The following SFXN5 variants were observed in gnomAD, a reference collection of about 807,000 sequenced individuals.
The protein encoded by SFXN5 is sideroflexin-5.
A neutral mutation model predicts 50.2 loss-of-function variants in SFXN5; 43 were observed. That is an observed-to-expected ratio of 0.86 (90% CI 0.67 to 1.11). SFXN5 has a LOEUF of 1.11. Among genes scored for constraint, SFXN5 ranks in the 50% least tolerant of loss-of-function variants. The pLI, the probability that SFXN5 is intolerant of heterozygous loss-of-function variation, is 0.00. For synonymous variants in SFXN5, 203 were observed against 185.8 expected (o/e 1.09, Z -0.75); for missense variants, 463 against 454.1 (o/e 1.02, Z -0.18).
intron 12 of SFXN5, among the ~76,000 whole-genome samples, chr2:72,962,563 C>T (rs1673866421): frequency 6.6e-6 from 1 of 152,210 alleles, no homozygotes; most frequent in Admixed American, 6.5e-5. Context: ...CATTTTAACC[C>T]TCCATGAGTC....
intron 6 of SFXN5, among the ~76,000 whole-genome samples, chr2:73,012,500 G>C (rs377185016): frequency 2.6e-5 from 4 of 151,682 alleles, no homozygotes; most frequent in East Asian, 3.9e-4. Flanking sequence ...CCAGGGGAAG[G>C]GGGAAGTTTA....
At chr2:72,965,185 G>A (rs1257673018) in intron 12 of SFXN5, among the ~76,000 whole-genome samples, 7 of 152,170 alleles carry the variant, frequency 4.6e-5, no homozygotes, top group African/African-American at 1.7e-4. Flanking sequence ...AGGACGTTGA[G>A]GGGAGCACGC....
chr2:72,961,108 C>A lies in SFXN5; in HGVS notation c.945+23G>T. ...AAACAGCACCCCCTGCCCTGCCCTGCCCTTGAGCCCCTCCCCACTGACCTC... is the reference window on the plus strand; with the variant it reads ...AAACAGCACCCCCTGCCCTGCCCTGACCTTGAGCCCCTCCCCACTGACCTC... On this transcript the variant is annotated intron_variant, in intron 13 of 13. Coordinates refer to ENST00000272433, the MANE Select transcript of SFXN5 (RefSeq NM_144579.3). This position sits in a 1 kb window ranked among gnomAD's most constrained non-coding sequence, Gnocchi z 4.4. 2 of 1,498,756 alleles carry A rather than the reference C, an allele frequency of 1.3e-6. No individual in the cohort carries two copies. The highest frequency in any genetic ancestry group is 2.4e-5 in the South Asian group (2 of 82,780). 92.8% of individuals were successfully genotyped at this position (1,498,756 alleles called of 1,614,324 possible). A position where few individuals can be genotyped will look rare whatever the true frequency, so the allele number is the denominator to read the frequency against.
In SFXN5 at chr2:73,063,141, A is replaced by G. The variant is rs1357005103; in HGVS notation, c.103-4545T>C. ...TACTGATTAAGTGGAAAGAAGATAA[A>G]AACTCTGTATTGGTCATATCAGTCT... On this transcript the variant is annotated intron_variant, in intron 1 of 13. Transcript: ENST00000272433. Among the ~76,000 whole-genome samples, 3 of 152,196 alleles carry G rather than the reference A, an allele frequency of 2.0e-5. No individual in the cohort carries two copies. The East Asian group carries it at 5.8e-4, about 29-fold the overall frequency.
chr2:72,989,304 T>A (rs1672290684), intron 9 of SFXN5, among the ~76,000 whole-genome samples: 1 of 152,132 alleles, frequency 6.6e-6, no homozygotes, highest in African/African-American at 2.4e-5. Context: ...CACCCATGAG[T>A]TCCACCTCCA....
intron 6 of SFXN5, among the ~76,000 whole-genome samples, chr2:73,014,449 T>C (rs1675909295): frequency 6.6e-6 from 1 of 152,142 alleles, no homozygotes; most frequent in Non-Finnish European, 1.5e-5. Context: ...CAAAACCAAG[T>C]TGTCTTATAA....
intron 10 of SFXN5, among the ~76,000 whole-genome samples, chr2:72,976,749 T>C (rs1670659874): frequency 6.6e-6 from 1 of 152,228 alleles, no homozygotes; most frequent in African/African-American, 2.4e-5. Context: ...CAATGGACAC[T>C]AATTATAGTT....
rs371492395 is a variant in SFXN5, at chr2:73,060,958, C to T, written c.103-2362G>A. Among the ~76,000 whole-genome samples the T allele has an allele frequency of 2.6e-5, 4 of 151,978 alleles. No individual in the cohort carries two copies. The East Asian group carries it at 5.9e-4, about 23-fold the overall frequency. On this transcript the variant is annotated intron_variant, in intron 1 of 13. Transcript: ENST00000272433. Reference sequence around the variant, plus strand: ...CCTCATGATCTGCCCACCTCGGCCTCCCGAAGTGCTGGGATTACAGGCGTG... The same window carrying T: ...CCTCATGATCTGCCCACCTCGGCCTTCCGAAGTGCTGGGATTACAGGCGTG...
chr2:73,019,175 C>A (rs1193048390), intron 6 of SFXN5, among the ~76,000 whole-genome samples: 2 of 152,228 alleles, frequency 1.3e-5, no homozygotes, highest in Non-Finnish European at 2.9e-5. Context: ...AGAAGCCAGA[C>A]ACAAAAGAGC....
At chr2:72,980,303 C>T (rs986640304) in intron 10 of SFXN5, among the ~76,000 whole-genome samples, 1 of 152,194 alleles carries the variant, frequency 6.6e-6, no homozygotes, top group Non-Finnish European at 1.5e-5. Flanking sequence ...TGTCCCTGCC[C>T]GGGAAGGTCT....
chr2:72,979,454 CG>C (rs1041272275), intron 10 of SFXN5, among the ~76,000 whole-genome samples: 12 of 152,042 alleles, frequency 7.9e-5, no homozygotes, highest in African/African-American at 2.7e-4. Flanking sequence ...GTCAACATGG[CG>C]AAACCCTGTC....
intron 9 of SFXN5, among the ~76,000 whole-genome samples, chr2:72,993,753 C>T (rs1574059405): frequency 6.6e-6 from 1 of 152,138 alleles, no homozygotes; most frequent in East Asian, 1.9e-4. Context: ...TGTCGTCCCC[C>T]TACCTCTCTC....
chr2:73,027,965 T>C (rs1167629976), intron 3 of SFXN5, among the ~76,000 whole-genome samples: 1 of 152,182 alleles, frequency 6.6e-6, no homozygotes, highest in Non-Finnish European at 1.5e-5. Flanking sequence ...CCTGGCCCCA[T>C]CTTTTTAATC....
rs1671551852 is a variant in SFXN5, at chr2:72,942,691, T to C, written c.*2331A>G. On this transcript the variant is annotated 3_prime_UTR_variant, in exon 14 of 14. Coordinates refer to ENST00000272433, the MANE Select transcript of SFXN5 (RefSeq NM_144579.3). ...CCTCTGTCACCCTCACCCTAGGCTA[T>C]CTGGATCCTTTGCCACTGCACCGCC... 6.6e-6 allele frequency: 1 copy of C among 152,318 alleles called. No homozygotes were observed. Among genetic ancestry groups the C allele is most frequent in the South Asian group, 2.1e-4 (1 of 4,836 alleles). 9.4% of individuals were successfully genotyped at this position (152,318 alleles called of 1,614,324 possible). A position where few individuals can be genotyped will look rare whatever the true frequency, so the allele number is the denominator to read the frequency against.
intron 3 of SFXN5, among the ~76,000 whole-genome samples, chr2:73,036,018 G>T (rs1404939018): frequency 6.6e-6 from 1 of 152,226 alleles, no homozygotes; most frequent in East Asian, 1.9e-4. Flanking sequence ...ACCAGGACAG[G>T]CCTGCAGGCC....
chr2:73,013,433 G>A lies in SFXN5; in HGVS notation c.357+6806C>T, dbSNP rs141216412. 3.4e-4 allele frequency among the ~76,000 whole-genome samples: 52 copies of A among 151,846 alleles called. No homozygotes were observed. In the East Asian group the frequency reaches 9.6e-3, roughly 28 times the overall value. On this transcript the variant is annotated intron_variant, in intron 6 of 13. Transcript: ENST00000272433. ...TGTGTGTGTGTGTGTGTGTGTGTGT[G>A]TGTGTGTGTGTTTGAGAGATAGAGA...
At chr2:73,041,654 G>A in intron 2 of SFXN5, 1 of 418,088 alleles carries the variant, frequency 2.4e-6, no homozygotes, top group South Asian at 1.7e-5. Flanking sequence ...GACAGTGCAA[G>A]ACTCCATCTA....
chr2:73,054,605 C>G (rs1245728803), intron 2 of SFXN5, among the ~76,000 whole-genome samples: 1 of 152,166 alleles, frequency 6.6e-6, no homozygotes, highest in Non-Finnish European at 1.5e-5. Flanking sequence ...CATCCATCAC[C>G]AAAGCCCCTG....
intron 13 of SFXN5, among the ~76,000 whole-genome samples, chr2:72,948,735 C>T (rs1672216252): frequency 6.6e-6 from 1 of 152,182 alleles, no homozygotes; most frequent in Non-Finnish European, 1.5e-5. Flanking sequence ...GGGGGAGATG[C>T]AGGCAGTGGG....
Sources: allele counts gnomAD v4.1 joint callset (sites outside exome capture counted in the v4.1 genomes callset), GRCh38; gene constraint gnomAD v4.1.1; non-coding constraint Gnocchi (gnomAD v3.1); transcripts MANE v1.5; gene names NCBI Gene and HGNC (gene_info 2026-07-23, HGNC 2026-07-21).